Variants in TRMT9B observed in about 807,000 individuals in gnomAD.
The protein encoded by TRMT9B is probable tRNA methyltransferase 9B.
TRMT9B carries 16 observed loss-of-function variants against 11.5 expected under a neutral mutation model. The ratio of observed to expected loss-of-function variants is 1.39; its 90% CI spans 0.94 to 2.11. The LOEUF (loss-of-function observed/expected upper bound fraction) is 2.11, where lower values mean the gene tolerates loss of function less well. TRMT9B is among the 30% of genes most tolerant of loss of function. The pLI is 0.00. For synonymous variants in TRMT9B, 274 were observed against 192.4 expected, an observed-to-expected ratio of 1.42 and a Z score of -3.51; for missense variants, 941 against 553.8, an observed-to-expected ratio of 1.70 and a Z score of -7.02.
In TRMT9B at chr8:13,012,777, G is replaced by C. The variant is rs1811892949; in HGVS notation, c.248G>C (p.Arg83Thr). 1 of 1,613,986 alleles carries C rather than the reference G, an allele frequency of 6.2e-7. No homozygotes were observed. Among genetic ancestry groups the C allele is most frequent in the Non-Finnish European group, 8.5e-7 (1 of 1,179,898 alleles). Residue 83 changes from arginine to threonine, a missense_variant, in exon 4 of 5, where the codon AGA (arginine) becomes ACA (threonine). Coordinates refer to ENST00000524591, the MANE Select transcript of TRMT9B (RefSeq NM_020844.3). The part of the protein sequence containing the change: ...CGPLVEIARN[R>T]GCEAMVCDNL... ...CCACTGGTAGAGATTGCCCGGAATA[G>C]AGGATGTGAAGCCATGGTATGTGAC...
intron 1 of TRMT9B, chr8:12,960,425 C>T (rs796469572): frequency 2.0e-5 from 3 of 152,254 alleles, no homozygotes; most frequent in Non-Finnish European, 4.4e-5. Flanking sequence ...GGACAGTGTT[C>T]CCAGGCCTGC....
At chr8:13,011,193 C>G in intron 3 of TRMT9B, 1 of 513,720 alleles carries the variant, frequency 1.9e-6, no homozygotes. Flanking sequence ...ATCATGTTGG[C>G]CAGACTGGTC....
intron 3 of TRMT9B, chr8:13,012,001 C>T (rs1033778206): frequency 1.2e-5 from 12 of 985,194 alleles, no homozygotes; most frequent in African/African-American, 8.7e-5. Flanking sequence ...CCGAAACATG[C>T]GTATATACAA....
intron 1 of TRMT9B, among the ~76,000 whole-genome samples, chr8:12,955,108 G>A (rs1245910933): frequency 3.9e-5 from 6 of 152,178 alleles, no homozygotes; most frequent in African/African-American, 1.4e-4. Flanking sequence ...ATAGACTCTA[G>A]AACTGAATAT....
rs117192676 is a variant in TRMT9B at position 12,990,599 on chromosome 8, A to G, written c.-199-235A>G. Among the ~76,000 whole-genome samples, 1,236 of 152,304 alleles carry G rather than the reference A, an allele frequency of 8.1e-3. 7 individuals are homozygous for G. Among genetic ancestry groups the G allele is most frequent in the Non-Finnish European group, 0.012 (840 of 68,026 alleles). ...CCCAGGAACAAGATGAAATCATTCA[A>G]TTTAATTTTAGGAGAAAGTATTGTA... On this transcript the variant is annotated intron_variant, in intron 1 of 4. Coordinates refer to ENST00000524591, the MANE Select transcript of TRMT9B (RefSeq NM_020844.3).
At chr8:13,004,413 T>A (rs569634198) in intron 2 of TRMT9B, among the ~76,000 whole-genome samples, 7 of 151,598 alleles carry the variant, frequency 4.6e-5, no homozygotes, top group Admixed American at 1.3e-4. Context: ...AGCCCTTCCT[T>A]CTGCTTGAGG....
At chr8:12,952,709 G>A in intron 1 of TRMT9B, 1 of 982,016 alleles carries the variant, frequency 1.0e-6, no homozygotes, top group East Asian at 1.1e-4. Flanking sequence ...AGGAAGGTAA[G>A]GATTTGTATG....
intron 1 of TRMT9B, among the ~76,000 whole-genome samples, chr8:12,984,781 A>G (rs1176987142): frequency 2.6e-5 from 4 of 152,062 alleles, no homozygotes; most frequent in African/African-American, 7.2e-5. Context: ...TTCATTTCTG[A>G]CATTCTCTCA....
intron 4 of TRMT9B, among the ~76,000 whole-genome samples, chr8:13,019,249 G>A (rs1813360657): frequency 6.6e-6 from 1 of 152,222 alleles, no homozygotes; most frequent in African/African-American, 2.4e-5. Context: ...GCAAGTTATG[G>A]GAGATACATA....
chr8:12,978,121 G>T (rs911819817), intron 1 of TRMT9B, among the ~76,000 whole-genome samples: 3 of 152,208 alleles, frequency 2.0e-5, no homozygotes, highest in Admixed American at 2.0e-4. Context: ...AAGCAAATAA[G>T]CTATAGATCT....
At chr8:12,961,959 A>C (rs750116628) in intron 1 of TRMT9B, 1 of 152,242 alleles carries the variant, frequency 6.6e-6, no homozygotes, top group African/African-American at 2.4e-5. Flanking sequence ...CCAGTTTCAT[A>C]TTGGTTAAAG....
intron 1 of TRMT9B, among the ~76,000 whole-genome samples, chr8:12,971,787 C>T (rs1803670419): frequency 1.3e-5 from 2 of 152,150 alleles, no homozygotes; most frequent in African/African-American, 4.8e-5. Flanking sequence ...ATATTATAAG[C>T]ATATTTTCAT....
chr8:13,012,433 G>T, intron 3 of TRMT9B: 2 of 467,922 alleles, frequency 4.3e-6, no homozygotes, highest in South Asian at 5.2e-5. Flanking sequence ...AAATTATCCG[G>T]TCATGGTGGC....
chr8:13,006,142 T>C, intron 2 of TRMT9B, 60 bp from the exon 3 acceptor site: 2 of 1,529,886 alleles, frequency 1.3e-6, no homozygotes, highest in Non-Finnish European at 1.8e-6. Context: ...GCATCCTCCT[T>C]CAGCCATCTA....
At chr8:13,002,115 A>G (rs991090179) in intron 2 of TRMT9B, among the ~76,000 whole-genome samples, 1 of 152,240 alleles carries the variant, frequency 6.6e-6, no homozygotes, top group African/African-American at 2.4e-5. Flanking sequence ...AAAAATAACT[A>G]TCTTTTAGGT....
At chr8:13,013,424 T>G (rs1812028513) in intron 4 of TRMT9B, among the ~76,000 whole-genome samples, 1 of 152,132 alleles carries the variant, frequency 6.6e-6, no homozygotes, top group African/African-American at 2.4e-5. Context: ...AGGGAATGTG[T>G]TTCTCATATC....
Position 13,022,326 on chromosome 8 carries a change from C to T in TRMT9B, c.*282C>T, listed in dbSNP as rs998775601. 3.3e-6 allele frequency: 1 copy of T among 302,552 alleles called. No homozygotes were observed. The highest frequency in any genetic ancestry group is 6.4e-6 in the Non-Finnish European group (1 of 157,408). The allele number at this position is 302,552 out of a possible 1,614,324, so 18.7% of individuals were successfully genotyped here. A position where few individuals can be genotyped will look rare whatever the true frequency, so the allele number is the denominator to read the frequency against. ...AGTACACCTCAGACTTTTTTTTAAC[C>T]CCAGAGAGATAAAATACATGTATAG... is the stretch of plus-strand genomic sequence containing the variant. On this transcript the variant is annotated 3_prime_UTR_variant, in exon 5 of 5. Transcript: ENST00000524591.
At chr8:12,995,250 T>G (rs1563384503) in intron 2 of TRMT9B, among the ~76,000 whole-genome samples, 2 of 152,254 alleles carry the variant, frequency 1.3e-5, no homozygotes, top group Non-Finnish European at 2.9e-5. Flanking sequence ...CAAGCAAGTT[T>G]CAGCTGCAGT....
At chr8:12,968,300 G>T (rs936762631) in intron 1 of TRMT9B, among the ~76,000 whole-genome samples, 1 of 152,210 alleles carries the variant, frequency 6.6e-6, no homozygotes, top group Non-Finnish European at 1.5e-5. Flanking sequence ...TGATGGGGAT[G>T]AGGTCAAGAA....
Sources: allele counts gnomAD v4.1 joint callset (sites outside exome capture counted in the v4.1 genomes callset), GRCh38; gene constraint gnomAD v4.1.1; transcripts MANE v1.5; gene names NCBI Gene and HGNC (gene_info 2026-07-23, HGNC 2026-07-21).